Variants in URB2 observed in about 807,000 individuals in gnomAD.
The protein encoded by URB2 is unhealthy ribosome biogenesis protein 2 homolog.
Under a neutral mutation model 120.9 loss-of-function variants are expected in URB2, and 86 were observed. That is an observed-to-expected ratio of 0.71 (90% CI 0.60 to 0.85). The LOEUF is 0.85. Among genes scored for constraint, URB2 ranks in the 40% least tolerant of loss-of-function variants. The pLI is 0.00. For missense variants in URB2, 1,765 were observed against 1,836.5 expected, an observed-to-expected ratio of 0.96 and a Z score of 0.71; for synonymous variants, 755 against 758.4, an observed-to-expected ratio of 1.00 and a Z score of 0.07.
In URB2 at chr1:229,637,664, G is replaced by A. The variant is rs532093716; in HGVS notation, c.3051G>A (p.Leu1017=). The A allele has an allele frequency of 4.3e-6, 7 of 1,614,258 alleles. No individual in the cohort carries two copies. In the African/African-American group the frequency reaches 8.0e-5, roughly 18 times the overall value. The change falls in exon 4 of 10, where the codon CTG becomes CTA. Residue 1017 remains leucine (L), a synonymous_variant. Coordinates refer to ENST00000258243, the MANE Select transcript of URB2 (RefSeq NM_014777.4). The part of the protein sequence containing the change: ...ELMQMLIQMK[L]SLVLNFRKIT... ...TGCAGATGCTCATCCAAATGAAGCTGAGCTTGGTGCTCAATTTTAGAAAAA... is the reference window on the plus strand; with the variant it reads ...TGCAGATGCTCATCCAAATGAAGCTAAGCTTGGTGCTCAATTTTAGAAAAA...
At chr1:229,627,478 C>T in intron 1 of URB2, 143 bp from the exon 2 acceptor site, 4 of 782,394 alleles carry the variant, frequency 5.1e-6, no homozygotes, top group Non-Finnish European at 7.2e-6. Flanking sequence ...TTTACCCCGA[C>T]AAATCTGTTG....
rs978186923 is a variant in URB2 at position 229,628,157 on chromosome 1, T to C, written c.126+398T>C. Among the ~76,000 whole-genome samples the C allele has an allele frequency of 2.8e-5, 4 of 141,736 alleles. No homozygotes were observed. In the South Asian group the frequency reaches 6.4e-4, roughly 23 times the overall value. The allele number at this position is 141,736 out of a possible 152,430, so 93.0% of individuals were successfully genotyped here. A position where few individuals can be genotyped will look rare whatever the true frequency, so the allele number is the denominator to read the frequency against. On this transcript the variant is annotated intron_variant, in intron 2 of 9. Coordinates refer to ENST00000258243, the MANE Select transcript of URB2 (RefSeq NM_014777.4). ...TATAATATATATATAATATATATAGTATATGTATAGTATATATGTATATAA... is the reference window on the plus strand; with the variant it reads ...TATAATATATATATAATATATATAGCATATGTATAGTATATATGTATATAA...
In URB2 at chr1:229,637,099, G is replaced by A. The variant is rs763569076; in HGVS notation, c.2486G>A (p.Arg829His). The A allele has an allele frequency of 1.7e-5, 28 of 1,613,484 alleles. No homozygotes were observed. Among genetic ancestry groups the A allele is most frequent in the Middle Eastern group, 1.6e-4 (1 of 6,062 alleles). ...CSSILCSGAQ[R>H]DSGLVSQQLP... The stretch of plus-strand genomic sequence containing the variant: ...AGCATTCTGTGTTCTGGTGCCCAGC[G>A]TGACTCAGGTCTTGTCAGTCAGCAG... Residue 829 changes from arginine (R) to histidine (H), a missense_variant, in exon 4 of 10, where the codon CGT (arginine) becomes CAT (histidine). Physicochemically the swap from Arg to His is conservative, Grantham distance 29. Coordinates refer to ENST00000258243, the MANE Select transcript of URB2 (RefSeq NM_014777.4).
chr1:229,649,814 A>C (rs1666226461), intron 7 of URB2, among the ~76,000 whole-genome samples: 1 of 152,168 alleles, frequency 6.6e-6, no homozygotes, highest in African/African-American at 2.4e-5. Flanking sequence ...CCTCATGACA[A>C]CCTATCATCC....
intron 6 of URB2, among the ~76,000 whole-genome samples, chr1:229,646,925 C>A (rs1666158519): frequency 6.6e-6 from 1 of 152,204 alleles, no homozygotes; most frequent in Non-Finnish European, 1.5e-5. Context: ...TTAATATTCT[C>A]TCTTGTTTCC....
At chr1:229,654,648 C>T (rs927582450) in intron 9 of URB2, among the ~76,000 whole-genome samples, 2 of 152,114 alleles carry the variant, frequency 1.3e-5, no homozygotes, top group South Asian at 2.1e-4. Context: ...ATGTACTACT[C>T]CACTCAGCTA....
intron 2 of URB2, among the ~76,000 whole-genome samples, chr1:229,629,867 A>T (rs2102778560): frequency 6.6e-6 from 1 of 152,342 alleles, no homozygotes; most frequent in African/African-American, 2.4e-5. Flanking sequence ...TTCTATTCTC[A>T]ATCCTTTGTT....
rs1051331878 is a variant in URB2, at chr1:229,659,682, A to G, written c.*385A>G. ...TTTTACTTTGGGTACATGGGCGTAT[A>G]ATTCAGCCCTGTTTAAATATACTTG... On this transcript the variant is annotated 3_prime_UTR_variant, in exon 10 of 10. Transcript: ENST00000258243. The G allele has an allele frequency of 1.2e-5, 2 of 161,004 alleles. No homozygotes were observed. The highest frequency in any genetic ancestry group is 4.8e-5 in the African/African-American group (2 of 41,718). The allele number at this position is 161,004 out of a possible 1,614,324, so 10.0% of individuals were successfully genotyped here.
chr1:229,645,807 T>G, intron 5 of URB2, 52 bp from the exon 6 acceptor site: 1 of 1,504,808 alleles, frequency 6.6e-7, no homozygotes, highest in Admixed American at 1.7e-5. Context: ...GGCGGAGTTC[T>G]TAAGGGAGAA....
At chr1:229,649,963 G>A (rs1033812600) in intron 7 of URB2, among the ~76,000 whole-genome samples, 1 of 152,158 alleles carries the variant, frequency 6.6e-6, no homozygotes, top group Non-Finnish European at 1.5e-5. Flanking sequence ...TGATAGCAAA[G>A]GATTAAGAGA....
In URB2 at chr1:229,638,374, G is replaced by T. The variant is rs373090963; in HGVS notation, c.3634+127G>T. On this transcript the variant is annotated intron_variant, in intron 4 of 9. Coordinates refer to ENST00000258243, the MANE Select transcript of URB2 (RefSeq NM_014777.4). ...AGGTACCACATGTGCGGCTGGGTGC[G>T]GTGGCTTACACCTGTAATCCCAGCA... 9.4e-4 allele frequency: 1,054 copies of T among 1,117,648 alleles called. 16 individuals carry two copies. In the South Asian group the frequency reaches 0.017, roughly 18 times the overall value. 69.2% of individuals were successfully genotyped at this position (1,117,648 alleles called of 1,614,324 possible).
At chr1:229,630,805 T>A (rs1167519227) in intron 2 of URB2, among the ~76,000 whole-genome samples, 1 of 151,800 alleles carries the variant, frequency 6.6e-6, no homozygotes, top group Non-Finnish European at 1.5e-5. Flanking sequence ...CTAGCCAACA[T>A]GGCGAAACCC....
intron 2 of URB2, among the ~76,000 whole-genome samples, chr1:229,629,604 G>A (rs1405705651): frequency 2.0e-5 from 3 of 152,192 alleles, no homozygotes; most frequent in Admixed American, 2.0e-4. Flanking sequence ...GCCCAAAAAT[G>A]CTAGTGGTTA....
At chr1:229,631,922 C>T (rs918035324) in intron 2 of URB2, among the ~76,000 whole-genome samples, 1 of 152,120 alleles carries the variant, frequency 6.6e-6, no homozygotes, top group African/African-American at 2.4e-5. Flanking sequence ...TGCCATAAAC[C>T]TCCAATTTGT....
intron 8 of URB2, among the ~76,000 whole-genome samples, chr1:229,652,601 G>A (rs531560150): frequency 6.6e-6 from 1 of 152,356 alleles, no homozygotes; most frequent in Non-Finnish European, 1.5e-5. Context: ...GCTTCATATT[G>A]TGAATCGATT....
At chr1:229,656,595 G>T (rs572071194) in intron 9 of URB2, among the ~76,000 whole-genome samples, 67 of 152,306 alleles carry the variant, frequency 4.4e-4, no homozygotes, top group Middle Eastern at 6.8e-3. Context: ...CTAGACCAGC[G>T]TGTTTAAGTT....
rs1351925571 is a variant in URB2, at chr1:229,627,777, C to T, written c.126+18C>T. ...AAGAACAAGTAAGTTTAATGTGAAA[C>T]TCATATTTTTACAGTCTGTCAAGAT... On this transcript the variant is annotated intron_variant, in intron 2 of 9. Coordinates refer to ENST00000258243, the MANE Select transcript of URB2 (RefSeq NM_014777.4). 1.3e-6 allele frequency: 2 copies of T among 1,596,422 alleles called. No individual in the cohort carries two copies. Among genetic ancestry groups the T allele is most frequent in the Non-Finnish European group, 8.5e-7 (1 of 1,171,380 alleles).
intron 2 of URB2, among the ~76,000 whole-genome samples, chr1:229,629,586 A>T (rs942569408): frequency 3.9e-5 from 6 of 152,212 alleles, no homozygotes; most frequent in African/African-American, 1.2e-4. Flanking sequence ...TCTTAATTTT[A>T]AAAAATTGCC....
intron 5 of URB2, among the ~76,000 whole-genome samples, chr1:229,643,957 A>AT (rs1452275649): frequency 2.6e-5 from 4 of 152,264 alleles, no homozygotes; most frequent in Non-Finnish European, 4.4e-5. Context: ...AGTGTTACAC[A>AT]TTCACAAAAC....
Sources: gnomAD v4.1 joint callset for allele counts (sites outside exome capture counted in the v4.1 genomes callset) on GRCh38, gnomAD v4.1.1 for gene constraint, MANE v1.5 for transcripts, NCBI Gene and HGNC (gene_info 2026-07-23, HGNC 2026-07-21) for gene names.